Variants in KDM4C observed in about 807,000 individuals in gnomAD.
KDM4C encodes lysine-specific demethylase 4C.
In KDM4C, 81 loss-of-function variants were observed where a neutral mutation model predicts 129.3. The ratio of observed to expected loss-of-function variants is 0.63; its 90% confidence interval spans 0.52 to 0.75. The LOEUF is 0.75. Ranked by LOEUF, KDM4C falls within the 30% of genes least tolerant of loss-of-function variation. The pLI is 0.00. For synonymous variants in KDM4C, 573 were observed against 456.1 expected (o/e 1.26, Z -3.26); for missense variants, 1,457 against 1,304.0 (o/e 1.12, Z -1.81).
chr9:7,076,613 G>T lies in KDM4C; in HGVS notation c.2425-27072G>T, dbSNP rs545549712. ...GTTTAGGATGGGGATACAATAGCCT[G>T]AGCTCCTGATTGAGTCAGACCCTGG... On this transcript the variant is annotated intron_variant, in intron 17 of 21. Coordinates refer to ENST00000381309, the MANE Select transcript of KDM4C (RefSeq NM_015061.6). The T allele has an allele frequency of 2.1e-3, 2,944 of 1,419,728 alleles. 3 individuals carry two copies. Among genetic ancestry groups the T allele is most frequent in the Middle Eastern group, 2.9e-3 (16 of 5,442 alleles). 87.9% of individuals were successfully genotyped at this position (1,419,728 alleles called of 1,614,324 possible). A position where few individuals can be genotyped will look rare whatever the true frequency, so the allele number is the denominator to read the frequency against.
rs1016577807 is a variant in KDM4C, at chr9:7,014,102, T to C, written c.2182+101T>C. The C allele has an allele frequency of 8.3e-6, 7 of 848,440 alleles. No individual in the cohort carries two copies. The African/African-American group carries it at 1.2e-4, about 14-fold the overall frequency. The allele number at this position is 848,440 out of a possible 1,614,324, so 52.6% of individuals were successfully genotyped here. On this transcript the variant is annotated intron_variant, in intron 14 of 21. Coordinates refer to ENST00000381309, the MANE Select transcript of KDM4C (RefSeq NM_015061.6). ...CCTGTCAGATCTGTTGCATGGACTA[T>C]TGGCATTCTTAATGGTTATATCATT...
intron 12 of KDM4C, among the ~76,000 whole-genome samples, chr9:6,991,762 A>G (rs751242779): frequency 5.4e-4 from 82 of 152,314 alleles, no homozygotes; most frequent in Admixed American, 1.7e-3. Flanking sequence ...ATGGCAGGGC[A>G]TAGTGGCTGA....
intron 19 of KDM4C, among the ~76,000 whole-genome samples, chr9:7,144,435 A>T (rs765845134): frequency 4.6e-5 from 7 of 152,216 alleles, no homozygotes; most frequent in Non-Finnish European, 1.0e-4. Flanking sequence ...GGGCTGTGAA[A>T]TGCAAGGTTA....
chr9:6,895,902 C>G (rs1297185643), intron 8 of KDM4C, among the ~76,000 whole-genome samples: 1 of 152,144 alleles, frequency 6.6e-6, no homozygotes, highest in Non-Finnish European at 1.5e-5. Flanking sequence ...CTAATATTTT[C>G]ATGTCTATTC....
chr9:7,108,474 C>T (rs1390514045), intron 18 of KDM4C, among the ~76,000 whole-genome samples: 2 of 152,050 alleles, frequency 1.3e-5, no homozygotes, highest in South Asian at 2.1e-4. Context: ...TGGACTCGAG[C>T]GATCCAACTG....
chr9:6,958,702 T>TTTG (rs879880793), intron 8 of KDM4C, among the ~76,000 whole-genome samples: 29 of 150,922 alleles, frequency 1.9e-4, no homozygotes, highest in South Asian at 1.7e-3. Context: ...TTTTTTTTTT[T>TTTG]GGGACAGGGT....
At chr9:7,165,093 C>G in intron 19 of KDM4C, 145 bp from the exon 20 acceptor site, 3 of 910,932 alleles carry the variant, frequency 3.3e-6, no homozygotes, top group Non-Finnish European at 4.9e-6. Context: ...CATATCTCTT[C>G]CCCTGAACAC....
intron 4 of KDM4C, among the ~76,000 whole-genome samples, chr9:6,832,923 A>G (rs1005164203): frequency 1.4e-5 from 2 of 147,678 alleles, no homozygotes; most frequent in Non-Finnish European, 3.0e-5. Flanking sequence ...TTTAGTAGAG[A>G]TGGGGTTTCA....
intron 12 of KDM4C, among the ~76,000 whole-genome samples, chr9:7,005,065 A>T (rs1821411647): frequency 6.6e-6 from 1 of 152,178 alleles, no homozygotes; most frequent in Non-Finnish European, 1.5e-5. Flanking sequence ...CAACACCACT[A>T]GAAGGTAGTT....
chr9:6,735,671 C>G (rs1169842776), intron 1 of KDM4C, among the ~76,000 whole-genome samples: 1 of 152,200 alleles, frequency 6.6e-6, no homozygotes, highest in Admixed American at 6.5e-5. Flanking sequence ...GGCCTCCTCA[C>G]CCATGTGGAA....
intron 15 of KDM4C, among the ~76,000 whole-genome samples, chr9:7,038,890 A>G (rs1828095775): frequency 6.6e-6 from 1 of 152,026 alleles, no homozygotes; most frequent in South Asian, 2.1e-4. Flanking sequence ...CTTACTGGCA[A>G]TGAAGAGCCA....
At chr9:6,809,541 A>G (rs1396486441) in intron 3 of KDM4C, among the ~76,000 whole-genome samples, 3 of 152,236 alleles carry the variant, frequency 2.0e-5, no homozygotes, top group East Asian at 1.9e-4. Flanking sequence ...CATAACTGCC[A>G]TAGGAAAGGT....
chr9:7,089,053 G>T (rs1564102163), intron 17 of KDM4C, among the ~76,000 whole-genome samples: 1 of 151,928 alleles, frequency 6.6e-6, no homozygotes, highest in Non-Finnish European at 1.5e-5. Context: ...AAAAAATCGA[G>T]ATGAGTTAAA....
At chr9:6,790,657 A>G (rs1826392279) in intron 1 of KDM4C, among the ~76,000 whole-genome samples, 1 of 60,938 alleles carries the variant, frequency 1.6e-5, no homozygotes, top group Non-Finnish European at 4.1e-5. Context: ...AATTCAGCAA[A>G]AAAAAAAAAA....
chr9:6,728,066 C>CAAAAAAAA (rs574486528), intron 1 of KDM4C, among the ~76,000 whole-genome samples: 1 of 73,930 alleles, frequency 1.4e-5, no homozygotes, highest in Non-Finnish European at 2.5e-5. Context: ...CATGAAGCTG[C>CAAAAAAAA]AAAAAAAAAA....
chr9:6,832,761 C>T (rs1338686399), intron 4 of KDM4C, among the ~76,000 whole-genome samples: 7 of 100,654 alleles, frequency 7.0e-5, no homozygotes, highest in Admixed American at 6.0e-4. Context: ...GAGTTTTGCT[C>T]TTGTTGCCCA....
At chr9:6,909,071 A>T (rs1357678366) in intron 8 of KDM4C, among the ~76,000 whole-genome samples, 1 of 152,250 alleles carries the variant, frequency 6.6e-6, no homozygotes, top group African/African-American at 2.4e-5. Flanking sequence ...GGAACTTTTT[A>T]AAAAATTGAT....
At position 6,767,559 on chromosome 9, in the gene KDM4C, C is replaced by T. The variant is rs1029168492; in HGVS notation, c.-18+9356C>T. 8.5e-5 allele frequency among the ~76,000 whole-genome samples: 13 copies of T among 152,194 alleles called. No individual in the cohort carries two copies. The East Asian group carries it at 9.6e-4, about 11-fold the overall frequency. On this transcript the variant is annotated intron_variant, in intron 1 of 21. Coordinates refer to ENST00000381309, the MANE Select transcript of KDM4C (RefSeq NM_015061.6). ...AAGCGATTCTTCTGCCTCAGTCTCC[C>T]GAGTAGCTGGGACTACAGGCACCTG...
At chr9:6,746,861 C>T (rs2130285887) in intron 1 of KDM4C, among the ~76,000 whole-genome samples, 2 of 150,906 alleles carry the variant, frequency 1.3e-5, no homozygotes, top group African/African-American at 4.9e-5. Flanking sequence ...AAAAAATTAG[C>T]CGGGCGTGGT....
Sources: gnomAD v4.1 joint callset for allele counts (sites outside exome capture counted in the v4.1 genomes callset) on GRCh38, gnomAD v4.1.1 for gene constraint, MANE v1.5 for transcripts, NCBI Gene and HGNC (gene_info 2026-07-23, HGNC 2026-07-21) for gene names.